Variants in SLBP observed in about 807,000 individuals in gnomAD.
SLBP encodes stem-loop histone mRNA binding protein, also known as histone RNA hairpin-binding protein.
Under a neutral mutation model 39.2 loss-of-function variants are expected in SLBP, and 29 were observed. That is an observed-to-expected ratio of 0.74 (90% CI 0.55 to 1.01). The LOEUF (loss-of-function observed/expected upper bound fraction) is 1.01. Ranked by LOEUF, SLBP falls within the 50% of genes least tolerant of loss-of-function variation. SLBP has a pLI of 0.00. For missense variants in SLBP, 390 were observed against 350.2 expected, an observed-to-expected ratio of 1.11 and a Z score of -0.91; for synonymous variants, 129 against 118.7, an observed-to-expected ratio of 1.09 and a Z score of -0.57.
Position 1,696,203 on chromosome 4 carries a change from T to C in SLBP, c.628A>G (p.Ile210Val), listed in dbSNP as rs748866263. The stretch of plus-strand genomic sequence containing the variant: ...GACAAGAATGCAATAAAGACATACA[T>C]TTCTTGCAAATCACATCCTTCTTCC... ...PAEEGCDLQEIHPVDLESAES... is the reference protein window; with the variant it reads ...PAEEGCDLQEVHPVDLESAES... The change falls in exon 6 of 8, where the codon ATA (isoleucine) becomes GTA (valine). Residue 210 changes from isoleucine (I) to valine (V), a missense_variant and splice_region_variant. Transcript: ENST00000489418. The C allele has an allele frequency of 1.9e-6, 3 of 1,588,558 alleles. No individual in the cohort carries two copies. The highest frequency in any genetic ancestry group is 2.6e-6 in the Non-Finnish European group (3 of 1,169,706).
In SLBP at chr4:1,693,538, G is replaced by A. The variant is rs1415144543; in HGVS notation, c.*59C>T. The stretch of plus-strand genomic sequence containing the variant: ...AAGTGCACACACATGCTTGGTGCCT[G>A]GCCAGCCTTCCACCTAGTCGGGGAG... On this transcript the variant is annotated 3_prime_UTR_variant, in exon 8 of 8. Transcript: ENST00000489418. 1.0e-6 allele frequency: 1 copy of A among 985,854 alleles called. No homozygotes were observed. The highest frequency in any genetic ancestry group is 2.4e-5 in the East Asian group (1 of 42,170). 61.1% of individuals were successfully genotyped at this position (985,854 alleles called of 1,614,324 possible). A position where few individuals can be genotyped will look rare whatever the true frequency, so the allele number is the denominator to read the frequency against.
chr4:1,711,977 C>A lies in SLBP; in HGVS notation c.73G>T (p.Ala25Ser). ...CGCTTCCGTCCCAGGCTCCATCGCGCGGGGGACGGCGGGCTGCGGGGAGGG... is the reference window on the plus strand; with the variant it reads ...CGCTTCCGTCCCAGGCTCCATCGCGAGGGGGACGGCGGGCTGCGGGGAGGG... ...CDGDASPPSP[A>S]RWSLGRKRRA... Residue 25 changes from alanine to serine, a missense_variant, in exon 2 of 8, where the codon GCG (alanine) becomes TCG (serine). Ala to Ser is a moderately conservative substitution (Grantham distance 99). Transcript: ENST00000489418. The A allele has an allele frequency of 1.5e-6, 2 of 1,296,596 alleles. No individual in the cohort carries two copies. Among genetic ancestry groups the A allele is most frequent in the Non-Finnish European group, 9.8e-7 (1 of 1,022,658 alleles). The allele number at this position is 1,296,596 out of a possible 1,614,324, so 80.3% of individuals were successfully genotyped here. A position where few individuals can be genotyped will look rare whatever the true frequency, so the allele number is the denominator to read the frequency against.
rs1716250227 is a variant in SLBP at position 1,699,653 on chromosome 4, T to C, written c.390A>G (p.Thr130=). The change falls in exon 5 of 8, where the codon ACA becomes ACG. Residue 130 remains threonine (T), a synonymous_variant. Coordinates refer to ENST00000489418, the MANE Select transcript of SLBP (RefSeq NM_006527.4). ...SMSTVPADFE[T]DESVLMRRQK... ...GTCTCCTCATTAGGACACTTTCATC[T>C]GTCTCAAAGTCAGCCGGCACAGTAG... The C allele has an allele frequency of 6.2e-7, 1 of 1,613,524 alleles. No homozygotes were observed. The highest frequency in any genetic ancestry group is 1.7e-5 in the Admixed American group (1 of 60,008).
chr4:1,702,605 T>TG (rs1716367441), intron 3 of SLBP, among the ~76,000 whole-genome samples: 1 of 152,204 alleles, frequency 6.6e-6, no homozygotes, highest in South Asian at 2.1e-4. Context: ...ACCCAGTCCT[T>TG]GCAACTGGGT....
chr4:1,707,473 T>G (rs1158372235), intron 2 of SLBP, among the ~76,000 whole-genome samples: 4 of 147,164 alleles, frequency 2.7e-5, no homozygotes, highest in Admixed American at 1.3e-4. Flanking sequence ...CAGAACGAGA[T>G]TCCATCTAAA....
chr4:1,711,553 G>A (rs953599541), intron 2 of SLBP, among the ~76,000 whole-genome samples: 3 of 152,174 alleles, frequency 2.0e-5, no homozygotes, highest in African/African-American at 7.2e-5. Context: ...GGACTCGGGT[G>A]TCCCTGACTT....
At chr4:1,696,424 A>T in intron 5 of SLBP, 73 bp from the exon 6 acceptor site, 1 of 1,233,370 alleles carries the variant, frequency 8.1e-7, no homozygotes, top group Non-Finnish European at 1.1e-6. Flanking sequence ...AAGATTAACC[A>T]AACTATGAGA....
At chr4:1,711,115 C>T (rs956549899) in intron 2 of SLBP, among the ~76,000 whole-genome samples, 3 of 149,402 alleles carry the variant, frequency 2.0e-5, no homozygotes, top group Non-Finnish European at 3.0e-5. Context: ...CCGCGCTCAG[C>T]ATAATTTTTT....
At chr4:1,703,507 G>A in intron 3 of SLBP, 89 bp downstream of exon 3, 1 of 880,678 alleles carries the variant, frequency 1.1e-6, no homozygotes, top group Non-Finnish European at 1.9e-6. Flanking sequence ...CCAGACCTTT[G>A]AAAACCACTG....
chr4:1,709,889 T>C (rs1577188840), intron 2 of SLBP, among the ~76,000 whole-genome samples: 1 of 151,946 alleles, frequency 6.6e-6, no homozygotes, highest in South Asian at 2.1e-4. Context: ...ATTACAGGCA[T>C]GAGCCACCGC....
intron 5 of SLBP, among the ~76,000 whole-genome samples, chr4:1,698,702 T>C (rs1162293183): frequency 6.6e-6 from 1 of 151,922 alleles, no homozygotes; most frequent in African/African-American, 2.4e-5. Flanking sequence ...GCCAGGGTGG[T>C]CTCGATCTCC....
chr4:1,712,134 C>T lies in SLBP; in HGVS notation c.55G>A (p.Ala19Thr). ...PRHQSRCDGD[A>T]SPPSPARWSL... ...CGCCGCGCAGCCCGGCCTCACCTGG[C>T]GTCACCGTCGCAGCGGCTCTGATGC... Residue 19 changes from alanine to threonine, a missense_variant, in exon 1 of 8, where the codon GCC becomes ACC. Physicochemically the swap from Ala to Thr is moderately conservative, Grantham distance 58. Transcript: ENST00000489418. The T allele has an allele frequency of 8.1e-7, 1 of 1,231,288 alleles. No homozygotes were observed. The highest frequency in any genetic ancestry group is 1.0e-6 in the Non-Finnish European group (1 of 988,404). The allele number at this position is 1,231,288 out of a possible 1,614,324, so 76.3% of individuals were successfully genotyped here. A position where few individuals can be genotyped will look rare whatever the true frequency, so the allele number is the denominator to read the frequency against.
intron 2 of SLBP, among the ~76,000 whole-genome samples, chr4:1,710,185 A>T (rs1716687010): frequency 6.6e-6 from 1 of 152,120 alleles, no homozygotes; most frequent in Non-Finnish European, 1.5e-5. Flanking sequence ...AGCCCCCTAG[A>T]CCCAAGTCTC....
At chr4:1,706,632 C>T (rs1443885700) in intron 2 of SLBP, among the ~76,000 whole-genome samples, 2 of 151,976 alleles carry the variant, frequency 1.3e-5, no homozygotes, top group Admixed American at 1.3e-4. Context: ...ATGGTGAAAC[C>T]CAGCGTCTAC....
intron 2 of SLBP, among the ~76,000 whole-genome samples, chr4:1,706,564 G>A (rs1043099200): frequency 2.0e-5 from 3 of 152,188 alleles, no homozygotes; most frequent in African/African-American, 4.8e-5. Context: ...CTAGCACCTC[G>A]GGAGGCTGAG....
At chr4:1,711,826 C>A in intron 2 of SLBP, 48 bp downstream of exon 2, 1 of 1,045,308 alleles carries the variant, frequency 9.6e-7, no homozygotes, top group Non-Finnish European at 1.3e-6. Flanking sequence ...GAGCCCGCGG[C>A]CTCGTCAAGG....
At chr4:1,700,222 T>C in intron 3 of SLBP, 152 bp from the exon 4 acceptor site, 1 of 465,328 alleles carries the variant, frequency 2.1e-6, no homozygotes, top group Non-Finnish European at 3.8e-6. Context: ...AGGTTCAGTT[T>C]AAGTAGTGAG....
intron 2 of SLBP, among the ~76,000 whole-genome samples, chr4:1,710,457 T>C (rs551667722): frequency 6.6e-6 from 1 of 152,352 alleles, no homozygotes; most frequent in Non-Finnish European, 1.5e-5. Context: ...GAGACAGGTC[T>C]CAATTGCTTT....
intron 2 of SLBP, 75 bp downstream of exon 2, chr4:1,711,799 G>A: frequency 1.3e-6 from 1 of 746,178 alleles, no homozygotes; most frequent in East Asian, 3.4e-5. Flanking sequence ...CACCGCGAGA[G>A]CGCGACGAGG....
Sources: allele counts gnomAD v4.1 joint callset (sites outside exome capture counted in the v4.1 genomes callset), GRCh38; gene constraint gnomAD v4.1.1; transcripts MANE v1.5; gene names NCBI Gene and HGNC (gene_info 2026-07-23, HGNC 2026-07-21).